UGT1A10: variants seen among roughly 807,000 people sequenced by gnomAD.
UGT1A10 encodes the protein UDP glucuronosyltransferase family 1 member A10.
A neutral mutation model predicts 45.8 loss-of-function variants in UGT1A10; 49 were observed. That is an observed-to-expected ratio of 1.07 (90% CI 0.85 to 1.36). The LOEUF (loss-of-function observed/expected upper bound fraction) is 1.36. UGT1A10 is among the 40% of genes most tolerant of loss of function. The pLI is 0.00. For synonymous variants in UGT1A10, 284 were observed against 249.7 expected (o/e 1.14, Z -1.29); for missense variants, 745 against 668.6 (o/e 1.11, Z -1.26).
intron 1 of UGT1A10, among the ~76,000 whole-genome samples, chr2:233,721,183 C>T (rs1370349767): frequency 6.6e-6 from 1 of 152,264 alleles, no homozygotes; most frequent in South Asian, 2.1e-4. Context: ...GATCAAACCA[C>T]AAGATATTTG....
At chr2:233,743,803 G>A (rs568702968) in intron 1 of UGT1A10, 1 of 1,367,298 alleles carries the variant, frequency 7.3e-7, no homozygotes, top group Admixed American at 1.9e-5. Context: ...CTTCCTCCTT[G>A]TTCTCAGGGT....
intron 1 of UGT1A10, chr2:233,689,812 CA>C (rs1339499573): frequency 6.8e-6 from 3 of 440,050 alleles, no homozygotes; most frequent in Non-Finnish European, 1.4e-5. Context: ...TATAGGAAAC[CA>C]AACATCTCTG....
chr2:233,714,943 C>T (rs2076424694), intron 1 of UGT1A10, among the ~76,000 whole-genome samples: 1 of 152,186 alleles, frequency 6.6e-6, no homozygotes, highest in Non-Finnish European at 1.5e-5. Context: ...GTGGTGGGAT[C>T]TTGGCTCATT....
intron 1 of UGT1A10, among the ~76,000 whole-genome samples, chr2:233,667,827 A>G (rs987385434): frequency 6.6e-6 from 1 of 152,258 alleles, no homozygotes; most frequent in Non-Finnish European, 1.5e-5. Context: ...CAAAACCACA[A>G]TGAGATACCA....
chr2:233,758,617 T>TGC (rs1696928480), intron 1 of UGT1A10, among the ~76,000 whole-genome samples: 1 of 152,162 alleles, frequency 6.6e-6, no homozygotes, highest in Non-Finnish European at 1.5e-5. Flanking sequence ...TGCATGTGCA[T>TGC]GCAAAGTACC....
chr2:233,648,327 G>A (rs563241784), intron 1 of UGT1A10: 169 of 507,630 alleles, frequency 3.3e-4, no homozygotes, highest in African/African-American at 2.7e-3. Context: ...CCCTCCTCTC[G>A]GTGGTCTTCG....
chr2:233,637,302 C>T lies in UGT1A10; in HGVS notation c.780C>T (p.Asp260=), dbSNP rs377393900. The T allele has an allele frequency of 2.5e-6, 4 of 1,613,958 alleles. No homozygotes were observed. The East Asian group carries it at 8.9e-5, about 36-fold the overall frequency. Residue 260 remains aspartate (D), a synonymous_variant, in exon 1 of 5, where the codon GAC becomes GAT. Coordinates refer to ENST00000344644, the MANE Select transcript of UGT1A10 (RefSeq NM_019075.4). ...TGTTGCGAACGGACTTTGTTTTGGA[C>T]TATCCCAAACCCGTGATGCCCAACA... ...IWLLRTDFVL[D]YPKPVMPNMI...
intron 1 of UGT1A10, chr2:233,743,705 G>A (rs756391897): frequency 8.8e-6 from 12 of 1,367,306 alleles, no homozygotes; most frequent in South Asian, 2.3e-5. Context: ...CTCCGCCCCC[G>A]CCTCGCCATA....
At chr2:233,697,247 A>G (rs1425616459) in intron 1 of UGT1A10, among the ~76,000 whole-genome samples, 1 of 152,056 alleles carries the variant, frequency 6.6e-6, no homozygotes, top group Non-Finnish European at 1.5e-5. Flanking sequence ...TTACTGCTTC[A>G]ATCTTGTTAC....
intron 1 of UGT1A10, among the ~76,000 whole-genome samples, chr2:233,647,156 G>A (rs888128558): frequency 1.3e-5 from 2 of 152,056 alleles, no homozygotes. Context: ...AGAACATCAC[G>A]GGAAACGCCC....
chr2:233,708,741 AC>A (rs1376464214), intron 1 of UGT1A10: 6 of 151,844 alleles, frequency 4.0e-5, no homozygotes, highest in African/African-American at 1.2e-4. Flanking sequence ...ACAGAGCAAG[AC>A]CCTGACCAAC....
intron 1 of UGT1A10, chr2:233,752,371 G>C (rs1694955006): frequency 6.6e-6 from 1 of 152,082 alleles, no homozygotes; most frequent in Non-Finnish European, 1.5e-5. Flanking sequence ...GTCTCAAGAG[G>C]GTCATCTTTG....
intron 1 of UGT1A10, among the ~76,000 whole-genome samples, chr2:233,653,299 G>T (rs1330389546): frequency 1.3e-5 from 2 of 152,152 alleles, no homozygotes; most frequent in Admixed American, 1.3e-4. Context: ...CCATAAAATA[G>T]GTAATAATAA....
intron 1 of UGT1A10, among the ~76,000 whole-genome samples, chr2:233,677,837 A>G (rs1343055361): frequency 6.6e-6 from 1 of 152,180 alleles, no homozygotes; most frequent in Admixed American, 6.5e-5. Flanking sequence ...ATATATGTAA[A>G]AAAAATCGTT....
At chr2:233,739,807 G>T (rs527239626) in intron 1 of UGT1A10, among the ~76,000 whole-genome samples, 26 of 152,152 alleles carry the variant, frequency 1.7e-4, no homozygotes, top group African/African-American at 5.3e-4. Flanking sequence ...GGGAAGGCAT[G>T]ATTGGTTTTT....
chr2:233,698,490 C>A (rs2075443801), intron 1 of UGT1A10, among the ~76,000 whole-genome samples: 1 of 152,106 alleles, frequency 6.6e-6, no homozygotes. Flanking sequence ...AAAATGCAGT[C>A]CTCATTAGGC....
At chr2:233,713,300 A>T in intron 1 of UGT1A10, 1 of 1,614,272 alleles carries the variant, frequency 6.2e-7, no homozygotes, top group Non-Finnish European at 8.5e-7. Context: ...TCTTTGAAAC[A>T]GAACATCTTC....
chr2:233,661,165 A>G (rs186810346), intron 1 of UGT1A10, among the ~76,000 whole-genome samples: 2,902 of 136,492 alleles, frequency 0.021, 48 homozygotes, highest in Admixed American at 0.041. Flanking sequence ...CTAGTTTCAG[A>G]CTTTTTTTTT....
intron 1 of UGT1A10, chr2:233,681,785 G>C: frequency 1.0e-6 from 1 of 960,918 alleles, no homozygotes; most frequent in African/African-American, 1.8e-5. Context: ...GTATTATTAT[G>C]AGTAAATCAT....
Sources: allele counts gnomAD v4.1 joint callset (sites outside exome capture counted in the v4.1 genomes callset), GRCh38; gene constraint gnomAD v4.1.1; transcripts MANE v1.5; gene names NCBI Gene and HGNC (gene_info 2026-07-23, HGNC 2026-07-21).